Variants in ZBTB16 observed in about 807,000 individuals in gnomAD.
ZBTB16 encodes the protein zinc finger and BTB domain-containing protein 16.
A neutral mutation model predicts 56.8 loss-of-function variants in ZBTB16; 8 were observed. The ratio of observed to expected loss-of-function variants is 0.14; its 90% confidence interval spans 0.08 to 0.25. ZBTB16 has a LOEUF of 0.25. ZBTB16 is among the 10% of genes least tolerant of loss of function. The pLI, the probability that ZBTB16 is intolerant of heterozygous loss-of-function variation, is 1.00. For synonymous variants in ZBTB16, 363 were observed against 368.5 expected, an observed-to-expected ratio of 0.98 and a Z score of 0.17; for missense variants, 625 against 903.0, an observed-to-expected ratio of 0.69 and a Z score of 3.95.
rs184760156 is a variant in ZBTB16, at chr11:114,253,302, G to T, written c.*2747G>T. Among the ~76,000 whole-genome samples the T allele has an allele frequency of 2.1e-4, 32 of 152,294 alleles. No individual in the cohort carries two copies. In the East Asian group the frequency reaches 5.8e-3, roughly 28 times the overall value. ...CCGCTCCATTCATAAAAGCTGAGAG[G>T]GTTGAGCTAATCTTCACAAATTGTA... On this transcript the variant is annotated 3_prime_UTR_variant, in exon 7 of 7. Coordinates refer to ENST00000335953, the MANE Select transcript of ZBTB16 (RefSeq NM_006006.6).
At chr11:114,165,130 G>A (rs548665974) in intron 3 of ZBTB16, among the ~76,000 whole-genome samples, 1 of 152,072 alleles carries the variant, frequency 6.6e-6, no homozygotes, top group Non-Finnish European at 1.5e-5. Flanking sequence ...TAGCTTGGAA[G>A]CTGGGCAGTG....
chr11:114,061,991 C>T (rs73560760), intron 1 of ZBTB16, among the ~76,000 whole-genome samples: 10,977 of 152,192 alleles, frequency 0.072, 986 homozygotes, highest in African/African-American at 0.21. Flanking sequence ...TCTCTCCATA[C>T]CTTAATGACC....
intron 5 of ZBTB16, among the ~76,000 whole-genome samples, chr11:114,245,071 G>C (rs1380604940): frequency 6.6e-6 from 1 of 152,244 alleles, no homozygotes; most frequent in African/African-American, 2.4e-5. Context: ...GACACACGGA[G>C]AGAGTGGGTT....
intron 3 of ZBTB16, among the ~76,000 whole-genome samples, chr11:114,182,538 C>T (rs574448972): frequency 6.6e-6 from 1 of 152,202 alleles, no homozygotes; most frequent in Non-Finnish European, 1.5e-5. Context: ...AAAAACCAGC[C>T]CCCGTGTGTA....
intron 2 of ZBTB16, among the ~76,000 whole-genome samples, chr11:114,077,887 C>T (rs893716472): frequency 6.6e-6 from 1 of 152,228 alleles, no homozygotes; most frequent in Admixed American, 6.5e-5. Context: ...TAAGAGGTTG[C>T]TGTTTATCTT....
chr11:114,201,293 C>T (rs543649675), intron 4 of ZBTB16, among the ~76,000 whole-genome samples: 1 of 152,192 alleles, frequency 6.6e-6, no homozygotes, highest in East Asian at 1.9e-4. Context: ...CTGAGTTAGA[C>T]AGCCAGGAGA....
intron 2 of ZBTB16, among the ~76,000 whole-genome samples, chr11:114,104,542 T>C (rs1940723528): frequency 6.6e-6 from 1 of 151,944 alleles, no homozygotes; most frequent in African/African-American, 2.4e-5. Context: ...GAAGAGTGGA[T>C]TGGTGTTGTT....
chr11:114,162,718 G>A (rs953814594), intron 3 of ZBTB16, among the ~76,000 whole-genome samples: 1 of 152,198 alleles, frequency 6.6e-6, no homozygotes, highest in Non-Finnish European at 1.5e-5. Context: ...ATGTGGGGGC[G>A]CCTTTGGTTT....
At chr11:114,164,685 C>T (rs1942693439) in intron 3 of ZBTB16, among the ~76,000 whole-genome samples, 1 of 152,222 alleles carries the variant, frequency 6.6e-6, no homozygotes, top group African/African-American at 2.4e-5. Flanking sequence ...CTTTCTCTTG[C>T]CCTCAGCCCC....
chr11:114,066,432 C>G (rs7950877), intron 2 of ZBTB16, among the ~76,000 whole-genome samples: 1 of 152,192 alleles, frequency 6.6e-6, no homozygotes, highest in African/African-American at 2.4e-5. Context: ...AGGAAACCCG[C>G]TCCCCAAAGT....
intron 2 of ZBTB16, among the ~76,000 whole-genome samples, chr11:114,083,794 C>A (rs1939865151): frequency 6.6e-6 from 1 of 152,060 alleles, no homozygotes; most frequent in African/African-American, 2.4e-5. Context: ...TGATGCCGCC[C>A]CCCCGCCCCA....
In ZBTB16 at chr11:114,230,529, C is replaced by T. The variant is rs1050974679; in HGVS notation, c.1454-11638C>T. ...TCTCTGATATTGATAGCCTGGTTAC[C>T]GTGGGAATGAATGGCCACCACACTC... On this transcript the variant is annotated intron_variant, in intron 4 of 6. Transcript: ENST00000335953. Among the ~76,000 whole-genome samples the T allele has an allele frequency of 1.5e-4, 23 of 150,654 alleles. No homozygotes were observed. In the South Asian group the frequency reaches 2.1e-3, roughly 14 times the overall value.
intron 4 of ZBTB16, among the ~76,000 whole-genome samples, chr11:114,240,150 G>A (rs545615341): frequency 4.6e-5 from 7 of 152,244 alleles, no homozygotes; most frequent in African/African-American, 7.2e-5. Context: ...GAGATGGGGC[G>A]TGGCTCCAGG....
chr11:114,105,436 C>T (rs769611618), intron 2 of ZBTB16, among the ~76,000 whole-genome samples: 42 of 152,086 alleles, frequency 2.8e-4, no homozygotes, highest in Non-Finnish European at 1.5e-4. Context: ...GACGGGGTTT[C>T]GCCGTGTTGG....
chr11:114,182,305 C>T (rs934039743), intron 3 of ZBTB16, among the ~76,000 whole-genome samples: 1 of 152,194 alleles, frequency 6.6e-6, no homozygotes, highest in Non-Finnish European at 1.5e-5. Flanking sequence ...CCATCCCGGC[C>T]TCCCAAAGTG....
At chr11:114,136,316 G>A (rs1941797026) in intron 2 of ZBTB16, among the ~76,000 whole-genome samples, 1 of 152,126 alleles carries the variant, frequency 6.6e-6, no homozygotes, top group African/African-American at 2.4e-5. Context: ...TGCTCTATGG[G>A]GGGCCACCCA....
Position 114,064,064 on chromosome 11 carries a change from A to G in ZBTB16, c.764A>G (p.Asp255Gly), listed in dbSNP as rs1284348957. Residue 255 changes from aspartate (D) to glycine (G), a missense_variant, in exon 2 of 7, where the codon GAC becomes GGC. Asp to Gly is a moderately conservative substitution (Grantham distance 94). This residue lies in a region of ZBTB16 where 384 missense variants were observed against 393.5 expected (regional missense o/e 0.98). Coordinates refer to ENST00000335953, the MANE Select transcript of ZBTB16 (RefSeq NM_006006.6). This position sits in a 1 kb window ranked among gnomAD's most constrained non-coding sequence, Gnocchi z 4.2. ...MMQVDEVPSQ[D>G]SPGAAESSIS... is the part of the protein sequence containing the mutation. ...CAGGTGGATGAGGTGCCCAGCCAGG[A>G]CAGCCCTGGGGCAGCCGAGTCCAGC... The G allele has an allele frequency of 6.2e-7, 1 of 1,613,652 alleles. No individual in the cohort carries two copies. The highest frequency in any genetic ancestry group is 1.1e-5 in the South Asian group (1 of 91,070).
chr11:114,175,703 T>C (rs1943092556), intron 3 of ZBTB16, among the ~76,000 whole-genome samples: 2 of 151,818 alleles, frequency 1.3e-5, no homozygotes. Flanking sequence ...CAGTGGGAAA[T>C]GAGAGAGGCA....
chr11:114,244,648 G>A (rs1165686401), intron 5 of ZBTB16, among the ~76,000 whole-genome samples: 1 of 151,144 alleles, frequency 6.6e-6, no homozygotes, highest in African/African-American at 2.4e-5. Flanking sequence ...TTTTGTTGTT[G>A]TTTGTTTTTC....
Sources: allele counts gnomAD v4.1 joint callset (sites outside exome capture counted in the v4.1 genomes callset), GRCh38; gene constraint gnomAD v4.1.1; regional missense constraint gnomAD v4.1.1; non-coding constraint Gnocchi (gnomAD v3.1); transcripts MANE v1.5; gene names NCBI Gene and HGNC (gene_info 2026-07-23, HGNC 2026-07-21).